The following GRM1 variants were observed in gnomAD, a reference collection of about 807,000 sequenced individuals.
GRM1 encodes glutamate metabotropic receptor 1.
Under a neutral mutation model 90.9 loss-of-function variants are expected in GRM1, and 33 were observed. The ratio of observed to expected loss-of-function variants is 0.36; its 90% CI spans 0.28 to 0.49. The LOEUF (loss-of-function observed/expected upper bound fraction) is 0.49. Ranked by LOEUF, GRM1 falls within the 20% of genes least tolerant of loss-of-function variation. The probability of loss-of-function intolerance (pLI) is 0.99; values close to 1 mark genes in which losing one functional copy is unlikely to be tolerated. For missense variants in GRM1, 1,190 were observed against 1,534.3 expected, an observed-to-expected ratio of 0.78 and a Z score of 3.75; for synonymous variants, 700 against 613.2, an observed-to-expected ratio of 1.14 and a Z score of -2.09.
rs560753139 is a variant in GRM1 at position 146,430,220 on chromosome 6, G to T, written c.2661-3652G>T. Among the ~76,000 whole-genome samples, 52 of 152,278 alleles carry T rather than the reference G, an allele frequency of 3.4e-4. 1 individual carries two copies. Among genetic ancestry groups the T allele is most frequent in the Non-Finnish European group, 6.0e-4 (41 of 68,018 alleles). ...TTGGGTTTTCTGTTTGGGGGATTGC[G>T]ATAGCTAACTAATGAAAGAAAAACC... On this transcript the variant is annotated intron_variant, in intron 7 of 7. Transcript: ENST00000282753.
At chr6:146,056,705 C>T (rs1192174091) in intron 1 of GRM1, among the ~76,000 whole-genome samples, 1 of 152,146 alleles carries the variant, frequency 6.6e-6, no homozygotes, top group Non-Finnish European at 1.5e-5. Flanking sequence ...TCACAAGGAA[C>T]AGTAACTGAT....
chr6:146,392,542 T>C (rs189393983), intron 6 of GRM1, among the ~76,000 whole-genome samples: 1 of 152,338 alleles, frequency 6.6e-6, no homozygotes, highest in Admixed American at 6.5e-5. Context: ...ATTATTTCTT[T>C]TTTAAAATTA....
intron 5 of GRM1, among the ~76,000 whole-genome samples, chr6:146,361,268 G>A (rs886936761): frequency 6.6e-6 from 1 of 152,182 alleles, no homozygotes. Context: ...GAAGATGAAC[G>A]AGCAGTGACT....
chr6:146,270,578 C>T (rs888491313), intron 2 of GRM1, among the ~76,000 whole-genome samples: 4 of 152,170 alleles, frequency 2.6e-5, no homozygotes, highest in Admixed American at 2.0e-4. Flanking sequence ...GATAACTCCC[C>T]ATGACCCCCA....
chr6:146,205,931 G>A (rs1266917011), intron 2 of GRM1, among the ~76,000 whole-genome samples: 2 of 152,108 alleles, frequency 1.3e-5, no homozygotes, highest in Non-Finnish European at 2.9e-5. Flanking sequence ...CCAGGGAGGC[G>A]GGAGCAGAGG....
At chr6:146,341,002 G>C (rs924035458) in intron 3 of GRM1, among the ~76,000 whole-genome samples, 1 of 152,144 alleles carries the variant, frequency 6.6e-6, no homozygotes, top group Non-Finnish European at 1.5e-5. Flanking sequence ...TTAACCCAAA[G>C]CATGTGCAAA....
chr6:146,100,297 T>TG (rs1437496304), intron 1 of GRM1, among the ~76,000 whole-genome samples: 1 of 152,202 alleles, frequency 6.6e-6, no homozygotes, highest in Non-Finnish European at 1.5e-5. Flanking sequence ...GATAAGCAGA[T>TG]GTTCTTAATT....
At chr6:146,319,424 T>C (rs1159889062) in intron 3 of GRM1, among the ~76,000 whole-genome samples, 2 of 152,298 alleles carry the variant, frequency 1.3e-5, no homozygotes, top group East Asian at 3.9e-4. Flanking sequence ...TTTGTTCTTT[T>C]TGGTTAGGAT....
chr6:146,325,910 T>C (rs1374847097), intron 3 of GRM1, among the ~76,000 whole-genome samples: 1 of 152,216 alleles, frequency 6.6e-6, no homozygotes, highest in Admixed American at 6.5e-5. Context: ...ATCCACTTCC[T>C]TATATTTAAA....
chr6:146,282,443 CT>C (rs1490634975), intron 2 of GRM1, among the ~76,000 whole-genome samples: 1 of 151,986 alleles, frequency 6.6e-6, no homozygotes, highest in Non-Finnish European at 1.5e-5. Flanking sequence ...TGGAATGCCC[CT>C]GGCTCATAGC....
chr6:146,213,462 T>G (rs568903149), intron 2 of GRM1, among the ~76,000 whole-genome samples: 65 of 152,218 alleles, frequency 4.3e-4, no homozygotes, highest in African/African-American at 1.4e-3. Context: ...GATGACAGAT[T>G]GAAGAAAGGG....
intron 1 of GRM1, among the ~76,000 whole-genome samples, chr6:146,109,710 T>A (rs181949949): frequency 1.3e-5 from 2 of 152,034 alleles, no homozygotes; most frequent in African/African-American, 2.4e-5. Flanking sequence ...GGAAAATCCA[T>A]AGATACTCAA....
chr6:146,247,800 G>GTA (rs1459872168), intron 2 of GRM1, among the ~76,000 whole-genome samples: 31 of 131,028 alleles, frequency 2.4e-4, no homozygotes, highest in African/African-American at 5.8e-4. Flanking sequence ...GTGTGTGTGT[G>GTA]TGTGTATATA....
At chr6:146,416,502 T>G (rs953970823) in intron 7 of GRM1, among the ~76,000 whole-genome samples, 4 of 152,200 alleles carry the variant, frequency 2.6e-5, no homozygotes, top group Non-Finnish European at 5.9e-5. Context: ...ATGAAACACT[T>G]AAATTTATCT....
At chr6:146,271,633 A>G (rs892648701) in intron 2 of GRM1, among the ~76,000 whole-genome samples, 1 of 152,214 alleles carries the variant, frequency 6.6e-6, no homozygotes, top group Non-Finnish European at 1.5e-5. Flanking sequence ...TTTTGTAAGC[A>G]TAGAATTGCA....
intron 2 of GRM1, among the ~76,000 whole-genome samples, chr6:146,271,313 T>C (rs1782155747): frequency 6.6e-6 from 1 of 152,110 alleles, no homozygotes; most frequent in African/African-American, 2.4e-5. Context: ...CAGAGTTTCA[T>C]TTTTTTAAGT....
At chr6:146,076,510 C>G (rs747284724) in intron 1 of GRM1, among the ~76,000 whole-genome samples, 3 of 151,860 alleles carry the variant, frequency 2.0e-5, no homozygotes, top group Non-Finnish European at 4.4e-5. Flanking sequence ...AGATATAGCT[C>G]GAAGGTTTGC....
rs150173144 is a variant in GRM1, at chr6:146,336,642, A to C, written c.1187-15608A>C. On this transcript the variant is annotated intron_variant, in intron 3 of 7. Transcript: ENST00000282753. ...GAAAAGGTGGTCTAGGCTGGTCACC[A>C]AAAGTATTGGCTACATCTCTCCACT... 1.1e-4 allele frequency among the ~76,000 whole-genome samples: 17 copies of C among 152,298 alleles called. No homozygotes were observed. In the East Asian group the frequency reaches 3.3e-3, roughly 29 times the overall value.
intron 5 of GRM1, among the ~76,000 whole-genome samples, chr6:146,368,555 C>T (rs1195498856): frequency 6.6e-6 from 1 of 151,938 alleles, no homozygotes; most frequent in Non-Finnish European, 1.5e-5. Flanking sequence ...TCTTATATAA[C>T]TAATTTGTCG....
Sources: gnomAD v4.1 joint callset for allele counts (sites outside exome capture counted in the v4.1 genomes callset) on GRCh38, gnomAD v4.1.1 for gene constraint, MANE v1.5 for transcripts, NCBI Gene and HGNC (gene_info 2026-07-23, HGNC 2026-07-21) for gene names.